Variants in ERGIC1 observed in about 807,000 individuals in gnomAD.
ERGIC1 encodes the protein endoplasmic reticulum-golgi intermediate compartment 1.
ERGIC1 carries 19 observed loss-of-function variants against 38.3 expected under a neutral mutation model. The ratio of observed to expected loss-of-function variants is 0.50; its 90% CI spans 0.35 to 0.73. The LOEUF (loss-of-function observed/expected upper bound fraction) is 0.73, where lower values mean the gene tolerates loss of function less well. ERGIC1 is among the 30% of genes least tolerant of loss of function. The pLI is 0.01. For missense variants in ERGIC1, 294 were observed against 389.2 expected (o/e 0.76, Z 2.06); for synonymous variants, 124 against 157.6 (o/e 0.79, Z 1.60).
chr5:172,929,914 G>A (rs892965866), intron 7 of ERGIC1, among the ~76,000 whole-genome samples: 8 of 152,166 alleles, frequency 5.3e-5, no homozygotes, highest in African/African-American at 1.9e-4. Context: ...ATGGCTGGGC[G>A]CGGTGGCTAA....
intron 1 of ERGIC1, among the ~76,000 whole-genome samples, chr5:172,856,683 C>T (rs1215623442): frequency 2.6e-5 from 4 of 152,154 alleles, no homozygotes; most frequent in African/African-American, 9.7e-5. Flanking sequence ...GAGGAGGGAG[C>T]ACCGAAAGTC....
chr5:172,909,807 G>A, intron 4 of ERGIC1, 46 bp downstream of exon 4: 5 of 1,521,656 alleles, frequency 3.3e-6, no homozygotes, highest in Non-Finnish European at 4.6e-6. Flanking sequence ...CACCTCCTTA[G>A]GGCAAATGTG....
chr5:172,860,257 G>A (rs1183548350), intron 1 of ERGIC1, among the ~76,000 whole-genome samples: 3 of 152,216 alleles, frequency 2.0e-5, no homozygotes, highest in Non-Finnish European at 4.4e-5. Context: ...AGGAGGGCGT[G>A]GAGAGGTATG....
rs1195094646 is a variant in ERGIC1 at position 172,944,709 on chromosome 5, GGCACAAGA to G, written c.766-5994_766-5987del. Among the ~76,000 whole-genome samples the G allele has an allele frequency of 4.6e-5, 7 of 152,294 alleles. No homozygotes were observed. The South Asian group carries it at 1.2e-3, about 27-fold the overall frequency. ...AAACTGAGGCACTGGGAGCTAGGGT[GGCACAAGA>G]GCACATGGATGAGAGGAGTCCAAGC... On this transcript the variant is annotated intron_variant, in intron 9 of 9. Coordinates refer to ENST00000393784, the MANE Select transcript of ERGIC1 (RefSeq NM_001031711.3).
intron 4 of ERGIC1, 107 bp from the exon 5 acceptor site, chr5:172,914,607 G>C: frequency 6.3e-7 from 1 of 1,591,022 alleles, no homozygotes; most frequent in Non-Finnish European, 8.6e-7. Flanking sequence ...TCCCCAGCCC[G>C]GCCTGCCCCT....
In ERGIC1 at chr5:172,901,884, C is replaced by T. The variant is rs184801047; in HGVS notation, c.155+4810C>T. Among the ~76,000 whole-genome samples, 3 of 152,256 alleles carry T rather than the reference C, an allele frequency of 2.0e-5. No homozygotes were observed. The East Asian group carries it at 5.8e-4, about 29-fold the overall frequency. ...CCAAAGTGCTGGGATTATAGGCATG[C>T]AGGCTGCCCCCGGCAGGTCAGCACT... On this transcript the variant is annotated intron_variant, in intron 3 of 9. Transcript: ENST00000393784.
intron 9 of ERGIC1, among the ~76,000 whole-genome samples, chr5:172,940,324 A>T (rs1763981900): frequency 6.6e-6 from 1 of 152,238 alleles, no homozygotes; most frequent in African/African-American, 2.4e-5. Context: ...CACCTTGCTC[A>T]GAGCGATGCT....
intron 2 of ERGIC1, among the ~76,000 whole-genome samples, chr5:172,890,736 G>C (rs1762538555): frequency 6.6e-6 from 1 of 152,212 alleles, no homozygotes; most frequent in Non-Finnish European, 1.5e-5. Flanking sequence ...CACCCCACAA[G>C]CCCCCCTAGT....
rs1383719093 is a variant in ERGIC1 at position 172,846,566 on chromosome 5, C to G, written c.20+12133C>G. On this transcript the variant is annotated intron_variant, in intron 1 of 9. Transcript: ENST00000393784. The surrounding 1 kb of genome is among the most constrained non-coding windows in gnomAD (Gnocchi z 4.0). ...AGCTAGGATTGCAGCTGATCTGGGT[C>G]CCCACTCCACAGTCTTTGGATTATG... 2.0e-5 allele frequency among the ~76,000 whole-genome samples: 3 copies of G among 152,160 alleles called. No individual in the cohort carries two copies. The highest frequency in any genetic ancestry group is 1.9e-4 in the East Asian group (1 of 5,196).
At chr5:172,863,477 C>T (rs971731971) in intron 1 of ERGIC1, among the ~76,000 whole-genome samples, 3 of 152,216 alleles carry the variant, frequency 2.0e-5, no homozygotes, top group South Asian at 2.1e-4. Context: ...TCCTTCCTGA[C>T]GGCCAGGAGA....
chr5:172,934,939 G>T, intron 8 of ERGIC1: 1 of 522,556 alleles, frequency 1.9e-6, no homozygotes. Context: ...TTCTGATTCT[G>T]GTGCTGCTTG....
At chr5:172,949,711 TGCAAAGGACA>T (rs1371205362) in intron 9 of ERGIC1, among the ~76,000 whole-genome samples, 1 of 152,022 alleles carries the variant, frequency 6.6e-6, no homozygotes, top group Admixed American at 6.6e-5. Flanking sequence ...TAAATCCTTC[TGCAAAGGACA>T]GCCCCTGTGG....
intron 3 of ERGIC1, among the ~76,000 whole-genome samples, chr5:172,909,398 GACCC>G (rs1395587345): frequency 1.3e-5 from 2 of 152,024 alleles, no homozygotes; most frequent in Non-Finnish European, 2.9e-5. Flanking sequence ...GACCTCAGGT[GACCC>G]ACCCACCTTG....
intron 1 of ERGIC1, among the ~76,000 whole-genome samples, chr5:172,865,180 A>G (rs2113126536): frequency 6.9e-6 from 1 of 145,570 alleles, no homozygotes; most frequent in African/African-American, 2.6e-5. Context: ...TCAGTTTCCC[A>G]AGTAGCTGGG....
chr5:172,935,579 T>C (rs1561743131), intron 9 of ERGIC1: 3 of 417,190 alleles, frequency 7.2e-6, no homozygotes, highest in Middle Eastern at 6.5e-4. Flanking sequence ...CAAATCTCCA[T>C]ATGGTTCCAC....
At chr5:172,843,616 G>A (rs1761215337) in intron 1 of ERGIC1, among the ~76,000 whole-genome samples, 1 of 152,232 alleles carries the variant, frequency 6.6e-6, no homozygotes, top group South Asian at 2.1e-4. Flanking sequence ...CAAGTCTTCA[G>A]GGGAAAGTGG....
intron 1 of ERGIC1, among the ~76,000 whole-genome samples, chr5:172,836,718 G>C (rs1283315649): frequency 6.6e-6 from 1 of 152,168 alleles, no homozygotes. Flanking sequence ...CATGTGGTCC[G>C]GCTCTCTTTG....
In ERGIC1 at chr5:172,837,765, G is replaced by C. The variant is rs1761071014; in HGVS notation, c.20+3332G>C. Among the ~76,000 whole-genome samples, 1 of 152,236 alleles carries C rather than the reference G, an allele frequency of 6.6e-6. No individual in the cohort carries two copies. The highest frequency in any genetic ancestry group is 2.4e-5 in the African/African-American group (1 of 41,462). Reference sequence around the variant, plus strand: ...TTCAATGATTTATTGTGTTTGCTTTGCTCTTGTTAAATTGTTTCACTAATG... The same window carrying C: ...TTCAATGATTTATTGTGTTTGCTTTCCTCTTGTTAAATTGTTTCACTAATG... On this transcript the variant is annotated intron_variant, in intron 1 of 9. Transcript: ENST00000393784. This position sits in a 1 kb window ranked among gnomAD's most constrained non-coding sequence, Gnocchi z 4.3.
chr5:172,875,863 T>C (rs1762130450), intron 1 of ERGIC1, among the ~76,000 whole-genome samples: 1 of 152,220 alleles, frequency 6.6e-6, no homozygotes, highest in Non-Finnish European at 1.5e-5. Context: ...CCACCATGCC[T>C]GGCCACGTCC....
Sources: allele counts gnomAD v4.1 joint callset (sites outside exome capture counted in the v4.1 genomes callset), GRCh38; gene constraint gnomAD v4.1.1; non-coding constraint Gnocchi (gnomAD v3.1); transcripts MANE v1.5; gene names NCBI Gene and HGNC (gene_info 2026-07-23, HGNC 2026-07-21).